The following TAFA2 variants were observed in gnomAD, a reference collection of about 807,000 sequenced individuals.
The protein encoded by TAFA2 is chemokine-like protein TAFA-2.
In TAFA2, 7 loss-of-function variants were observed where a neutral mutation model predicts 18.8. The ratio of observed to expected loss-of-function variants is 0.37; its 90% CI spans 0.21 to 0.70. The LOEUF is 0.70. Ranked by LOEUF, TAFA2 falls within the 30% of genes least tolerant of loss-of-function variation. The pLI, the probability that TAFA2 is intolerant of heterozygous loss-of-function variation, is 0.53. For synonymous variants in TAFA2, 60 were observed against 54.2 expected (o/e 1.11, Z -0.47); for missense variants, 122 against 158.1 (o/e 0.77, Z 1.23).
intron 1 of TAFA2, among the ~76,000 whole-genome samples, chr12:61,944,603 TA>T (rs1346852811): frequency 8.7e-6 from 1 of 114,494 alleles, no homozygotes. Flanking sequence ...ATAGACACAA[TA>T]AAAAATGATA....
intron 4 of TAFA2, among the ~76,000 whole-genome samples, chr12:61,710,657 A>G (rs1470214041): frequency 6.6e-6 from 1 of 152,106 alleles, no homozygotes; most frequent in Non-Finnish European, 1.5e-5. Context: ...AGTGAATATA[A>G]CTGTGACTAG....
chr12:62,176,250 T>C (rs2062512784), intron 1 of TAFA2, among the ~76,000 whole-genome samples: 1 of 152,224 alleles, frequency 6.6e-6, no homozygotes, highest in Non-Finnish European at 1.5e-5. Context: ...TCTTCCCATA[T>C]AACTAATGTT....
chr12:61,821,730 A>G (rs2121052135), intron 2 of TAFA2, among the ~76,000 whole-genome samples: 1 of 152,248 alleles, frequency 6.6e-6, no homozygotes, highest in Admixed American at 6.5e-5. Flanking sequence ...ACTTTATGGA[A>G]TTTAAGTTTA....
intron 1 of TAFA2, among the ~76,000 whole-genome samples, chr12:61,921,001 C>T (rs1012314651): frequency 4.6e-5 from 7 of 151,926 alleles, no homozygotes; most frequent in Admixed American, 1.3e-4. Flanking sequence ...GGTTAGAGTG[C>T]GATTGGTGGG....
chr12:61,905,629 T>C (rs549836512), intron 1 of TAFA2, among the ~76,000 whole-genome samples: 12 of 152,286 alleles, frequency 7.9e-5, no homozygotes, highest in South Asian at 6.2e-4. Flanking sequence ...CATTGTTACA[T>C]ATATCAAAGA....
rs1032573057 is a variant in TAFA2 at position 62,002,085 on chromosome 12, G to T, written c.-1-134659C>A. ...CTTGTCCCCTTTGTCCAACCAATGAGAAAACTCTTCAGAGACTGGTGATAA... is the reference window on the plus strand; with the variant it reads ...CTTGTCCCCTTTGTCCAACCAATGATAAAACTCTTCAGAGACTGGTGATAA... On this transcript the variant is annotated intron_variant, in intron 1 of 4. Coordinates refer to ENST00000416284, the MANE Select transcript of TAFA2 (RefSeq NM_178539.5). 3.3e-5 allele frequency among the ~76,000 whole-genome samples: 5 copies of T among 152,262 alleles called. No homozygotes were observed. The South Asian group carries it at 6.2e-4, about 19-fold the overall frequency.
At chr12:62,196,212 G>C (rs1333268002), upstream of TAFA2, among the ~76,000 whole-genome samples, 1 of 152,186 alleles carries the variant, frequency 6.6e-6, no homozygotes, top group African/African-American at 2.4e-5. Context: ...CTCTGGATTA[G>C]ACCCTGGCTA....
chr12:61,825,026 G>T lies in TAFA2; in HGVS notation c.106+42294C>A, dbSNP rs557042718. ...GATAAATTCCCATGGGAATAATATT[G>T]ACTCTTATGGATGGGTAATATCTCA... On this transcript the variant is annotated intron_variant, in intron 2 of 4. Coordinates refer to ENST00000416284, the MANE Select transcript of TAFA2 (RefSeq NM_178539.5). Among the ~76,000 whole-genome samples the T allele has an allele frequency of 1.2e-4, 19 of 152,224 alleles. No individual in the cohort carries two copies. In the Middle Eastern group the frequency reaches 0.014, roughly 109 times the overall value.
chr12:61,862,874 C>A (rs1189733449), intron 2 of TAFA2, among the ~76,000 whole-genome samples: 1 of 152,132 alleles, frequency 6.6e-6, no homozygotes, highest in Non-Finnish European at 1.5e-5. Flanking sequence ...ATATATTTTC[C>A]AGAGCATTTA....
At chr12:61,733,429 C>T (rs1171995899) in intron 4 of TAFA2, among the ~76,000 whole-genome samples, 1 of 151,876 alleles carries the variant, frequency 6.6e-6, no homozygotes, top group Non-Finnish European at 1.5e-5. Context: ...GTCTTTAATC[C>T]ATCTTGAATT....
intron 1 of TAFA2, among the ~76,000 whole-genome samples, chr12:61,927,302 C>G (rs910832663): frequency 6.6e-6 from 1 of 152,052 alleles, no homozygotes; most frequent in East Asian, 1.9e-4. Flanking sequence ...AGCTGATAAG[C>G]AACTTCAGCA....
chr12:61,869,318 G>A (rs1188877027), intron 1 of TAFA2, among the ~76,000 whole-genome samples: 1 of 152,164 alleles, frequency 6.6e-6, no homozygotes, highest in Admixed American at 6.5e-5. Context: ...ATAATAATAT[G>A]TACCTAACAG....
At chr12:62,209,878 G>A (rs1014493258) in intron 1 of TAFA2, among the ~76,000 whole-genome samples, 1 of 152,178 alleles carries the variant, frequency 6.6e-6, no homozygotes, top group African/African-American at 2.4e-5. Flanking sequence ...TAAAGATTAA[G>A]TAACTTGCCC....
chr12:62,222,943 G>A (rs1000640408), intron 1 of TAFA2, among the ~76,000 whole-genome samples: 3 of 151,912 alleles, frequency 2.0e-5, no homozygotes, highest in Non-Finnish European at 4.4e-5. Flanking sequence ...TAAAACACCT[G>A]AGAATATACT....
In TAFA2 at chr12:61,780,778, C is replaced by G. The variant is rs117082428; in HGVS notation, c.107-25754G>C. On this transcript the variant is annotated intron_variant, in intron 2 of 4. Coordinates refer to ENST00000416284, the MANE Select transcript of TAFA2 (RefSeq NM_178539.5). ...TTAAAAATTCTCCTGTTCTTTATGT[C>G]ACCAGAGTTGGGTTCAATTTCTCTC... Among the ~76,000 whole-genome samples, 11 of 151,842 alleles carry G rather than the reference C, an allele frequency of 7.2e-5. No individual in the cohort carries two copies. The East Asian group carries it at 2.2e-3, about 30-fold the overall frequency.
At chr12:61,836,260 C>G (rs1475780240) in intron 2 of TAFA2, among the ~76,000 whole-genome samples, 3 of 151,640 alleles carry the variant, frequency 2.0e-5, no homozygotes, top group Non-Finnish European at 4.4e-5. Flanking sequence ...TCAACAAAGA[C>G]AAGTTACTAA....
intron 1 of TAFA2, among the ~76,000 whole-genome samples, chr12:62,201,858 C>G (rs2062672341): frequency 6.6e-6 from 1 of 152,206 alleles, no homozygotes. Context: ...AGCTGCAAAT[C>G]TGTCTGGTCC....
intron 2 of TAFA2, among the ~76,000 whole-genome samples, chr12:61,858,622 G>A (rs1192009877): frequency 6.6e-6 from 1 of 151,674 alleles, no homozygotes; most frequent in Non-Finnish European, 1.5e-5. Flanking sequence ...GTTTTTCCAT[G>A]CCCCAATACA....
chr12:61,910,857 A>C (rs772026707), intron 1 of TAFA2, among the ~76,000 whole-genome samples: 1 of 152,196 alleles, frequency 6.6e-6, no homozygotes, highest in Non-Finnish European at 1.5e-5. Flanking sequence ...TGCAATTCCG[A>C]ACCATCTGTG....
Sources: gnomAD v4.1 joint callset for allele counts (sites outside exome capture counted in the v4.1 genomes callset) on GRCh38, gnomAD v4.1.1 for gene constraint, MANE v1.5 for transcripts, NCBI Gene and HGNC (gene_info 2026-07-23, HGNC 2026-07-21) for gene names.